Variants in ENOX2 observed in about 807,000 individuals in gnomAD.
ENOX2 encodes APK1 antigen.
In ENOX2, 36 loss-of-function variants were observed where a neutral mutation model predicts 45.0. The observed-to-expected ratio is 0.80, with a 90% confidence interval of 0.61 to 1.06. The LOEUF is 1.06. Ranked by LOEUF, ENOX2 falls within the 50% of genes least tolerant of loss-of-function variation. ENOX2 has a pLI of 0.00. For missense variants in ENOX2, 423 were observed against 462.5 expected (o/e 0.91, Z 0.78); for synonymous variants, 174 against 152.3 (o/e 1.14, Z -1.05).
intron 3 of ENOX2, among the ~76,000 whole-genome samples, chrX:130,734,445 AT>A (rs1485981054): frequency 9.0e-6 from 1 of 111,577 alleles, no homozygotes; most frequent in Non-Finnish European, 1.9e-5. Context: ...AGCTCTCTGT[AT>A]GGAGACAGCA....
At chrX:130,650,691 T>C (rs2148068634) in intron 10 of ENOX2, among the ~76,000 whole-genome samples, 1 of 112,140 alleles carries the variant, frequency 8.9e-6, no homozygotes, top group African/African-American at 3.2e-5. Context: ...GGCTATTTCC[T>C]ATGTGGGGAA....
chrX:130,641,436 T>C (rs976582393), intron 10 of ENOX2, among the ~76,000 whole-genome samples: 1 of 111,290 alleles, frequency 9.0e-6, no homozygotes. Flanking sequence ...TAAAAACTTT[T>C]GGCTGGGCGC....
chrX:130,888,629 A>C (rs1259613077), intron 2 of ENOX2, among the ~76,000 whole-genome samples: 1 of 112,280 alleles, frequency 8.9e-6, no homozygotes, highest in African/African-American at 3.2e-5. Context: ...ACCATGCCCT[A>C]AACAAATCTT....
chrX:130,634,839 T>A (rs755217030), intron 12 of ENOX2, 145 bp downstream of exon 12: 1 of 424,420 alleles, frequency 2.4e-6, no homozygotes, highest in African/African-American at 2.5e-5. Context: ...GTATAAGAAT[T>A]ACCCCCGAGA....
chrX:130,795,173 G>A (rs769200586), intron 2 of ENOX2, among the ~76,000 whole-genome samples: 28 of 112,024 alleles, frequency 2.5e-4, no homozygotes, highest in Non-Finnish European at 4.9e-4. Context: ...CCTGTAATAT[G>A]CTAATGCATC....
chrX:130,726,956 G>A (rs1321315369), intron 3 of ENOX2, among the ~76,000 whole-genome samples: 1 of 112,465 alleles, frequency 8.9e-6, no homozygotes, highest in African/African-American at 3.2e-5. Flanking sequence ...TTGCTCACTG[G>A]AGCAGCAGGC....
At chrX:130,795,009 A>G (rs1031883165) in intron 2 of ENOX2, among the ~76,000 whole-genome samples, 1 of 112,032 alleles carries the variant, frequency 8.9e-6, no homozygotes, top group Non-Finnish European at 1.9e-5. Flanking sequence ...CTCCCACCCT[A>G]TTAATTTTGC....
chrX:130,872,986 G>A (rs935058810), intron 2 of ENOX2, among the ~76,000 whole-genome samples: 2 of 111,755 alleles, frequency 1.8e-5, no homozygotes, highest in African/African-American at 3.3e-5. Flanking sequence ...ATAGGCATGG[G>A]CAAAGACTTC....
chrX:130,744,225 G>A (rs2039048106), intron 3 of ENOX2, among the ~76,000 whole-genome samples: 1 of 112,115 alleles, frequency 8.9e-6, no homozygotes, highest in Non-Finnish European at 1.9e-5. Flanking sequence ...GTGGTGGTAG[G>A]AGAGTTGAAT....
chrX:130,891,644 C>G (rs2078988599), intron 2 of ENOX2, among the ~76,000 whole-genome samples: 2 of 108,056 alleles, frequency 1.9e-5, no homozygotes, highest in African/African-American at 6.8e-5. Context: ...ACTTTATAGG[C>G]AAGGAAACTA....
chrX:130,679,445 T>C (rs1249886431), intron 6 of ENOX2, 97 bp downstream of exon 6: 10 of 698,721 alleles, frequency 1.4e-5, no homozygotes, highest in Non-Finnish European at 2.3e-5. Context: ...GAGCAGGTAA[T>C]ACTAAGCCCA....
At chrX:130,712,145 C>A (rs760795877) in intron 3 of ENOX2, among the ~76,000 whole-genome samples, 1 of 112,059 alleles carries the variant, frequency 8.9e-6, no homozygotes. Context: ...TGATACCTAT[C>A]TTTCATATAA....
chrX:130,786,696 T>G (rs1234097796), intron 2 of ENOX2, among the ~76,000 whole-genome samples: 1 of 91,790 alleles, frequency 1.1e-5, no homozygotes. Context: ...GAATGATGGT[T>G]TCCAATTTCA....
At chrX:130,744,714 A>AT (rs1341890109) in intron 3 of ENOX2, among the ~76,000 whole-genome samples, 1 of 111,896 alleles carries the variant, frequency 8.9e-6, no homozygotes, top group African/African-American at 3.3e-5. Context: ...GAGTATAAAC[A>AT]TAAGAATTTA....
chrX:130,795,977 A>ATG (rs998787481), intron 2 of ENOX2, among the ~76,000 whole-genome samples: 22 of 108,791 alleles, frequency 2.0e-4, no homozygotes, highest in East Asian at 8.6e-4. Context: ...TCATTCTAAT[A>ATG]TGTGTGTGTG....
intron 9 of ENOX2, among the ~76,000 whole-genome samples, chrX:130,664,412 C>T (rs2036779099): frequency 8.9e-6 from 1 of 112,338 alleles, no homozygotes; most frequent in Non-Finnish European, 1.9e-5. Context: ...ATTTCTAGTC[C>T]ATTTGCTAGC....
chrX:130,694,148 T>C (rs769318613), intron 4 of ENOX2, among the ~76,000 whole-genome samples: 17 of 112,146 alleles, frequency 1.5e-4, no homozygotes, highest in Non-Finnish European at 3.2e-4. Flanking sequence ...ATAAAATGAT[T>C]GTGTTTTAAG....
Position 130,631,517 on chromosome X carries a change from C to A in ENOX2, c.1479G>T (p.Lys493Asn). The A allele has an allele frequency of 8.3e-7, 1 of 1,207,489 alleles. No homozygotes were observed. The highest frequency in any genetic ancestry group is 2.2e-5 in the Admixed American group (1 of 46,036). ...SNQDSEYPLEKTMNSSPIKSE... is the reference protein window; with the variant it reads ...SNQDSEYPLENTMNSSPIKSE... ...ATTTGATAGGACTGCTGTTCATGGT[C>A]TTCTCAAGAGGGTATTCGCTATCCT... The change falls in exon 13 of 15, where the codon AAG becomes AAT. Residue 493 changes from lysine (K) to asparagine (N), a missense_variant. Physicochemically the swap from Lys to Asn is moderately conservative, Grantham distance 94. Transcript: ENST00000394363.
Position 130,726,985 on chromosome X carries a change from T to C in ENOX2, c.-38-23731A>G, listed in dbSNP as rs2038621985. On this transcript the variant is annotated intron_variant, in intron 3 of 14. Transcript: ENST00000394363. ...AGCAGGCAGTCAGATGGTCAAAAAATATTGCTTGTATTCCTTTTGTAGGCA... is the reference window on the plus strand; with the variant it reads ...AGCAGGCAGTCAGATGGTCAAAAAACATTGCTTGTATTCCTTTTGTAGGCA... 2.7e-5 allele frequency among the ~76,000 whole-genome samples: 3 copies of C among 111,992 alleles called. No homozygotes were observed. The Admixed American group carries it at 2.8e-4, about 11-fold the overall frequency.
Sources: gnomAD v4.1 joint callset for allele counts (sites outside exome capture counted in the v4.1 genomes callset) on GRCh38, gnomAD v4.1.1 for gene constraint, MANE v1.5 for transcripts, NCBI Gene and HGNC (gene_info 2026-07-23, HGNC 2026-07-21) for gene names.